The following PISD variants were observed in gnomAD, a reference collection of about 807,000 sequenced individuals.
PISD encodes the protein phosphatidylserine decarboxylase, also known as phosphatidylserine decarboxylase proenzyme, mitochondrial.
PISD carries 31 observed loss-of-function variants against 43.5 expected under a neutral mutation model. That is an observed-to-expected ratio of 0.71 (90% CI 0.54 to 0.96). PISD has a LOEUF of 0.96. Among genes scored for constraint, PISD ranks in the 40% least tolerant of loss-of-function variants. The probability of loss-of-function intolerance (pLI) is 0.00; values close to 1 mark genes in which losing one functional copy is unlikely to be tolerated. For missense variants in PISD, 523 were observed against 548.4 expected (o/e 0.95, Z 0.46); for synonymous variants, 259 against 228.7 (o/e 1.13, Z -1.20).
Position 31,619,717 on chromosome 22 carries a change from G to A in PISD, c.1125C>T (p.Asn375=), listed in dbSNP as rs1313056041. 2 of 1,614,224 alleles carry A rather than the reference G, an allele frequency of 1.2e-6. No homozygotes were observed. The highest frequency in any genetic ancestry group is 1.1e-5 in the South Asian group (1 of 91,088). Residue 375 remains asparagine, a synonymous_variant, in exon 8 of 8, where the codon AAC becomes AAT. Coordinates refer to ENST00000439502, the MANE Select transcript of PISD (RefSeq NM_001326411.2). The part of the protein sequence containing the change: ...MRKGEHLGEF[N]LGSTIVLIFE... ...AGATGAGCACGATGGTGGAGCCCAG[G>A]TTGAACTCGCCCAGGTGCTCGCCCT...
In PISD at chr22:31,621,132, A is replaced by C. The variant is rs768652071; in HGVS notation, c.708T>G (p.Cys236Trp). ...TGACCAGCTGGTTCTTGAAGGAGTC[A>C]CACGACGCGGCTGTGGAGTAGGAGC... ...EDLPFPPAAS[C>W]DSFKNQLVTR... The change falls in exon 6 of 8, where the codon TGT (cysteine) becomes TGG (tryptophan). Residue 236 changes from cysteine to tryptophan, a missense_variant. Physicochemically the swap from Cys to Trp is radical, Grantham distance 215 (BLOSUM62 -2). Coordinates refer to ENST00000439502, the MANE Select transcript of PISD (RefSeq NM_001326411.2). The C allele has an allele frequency of 6.2e-7, 1 of 1,614,166 alleles. No homozygotes were observed. Among genetic ancestry groups the C allele is most frequent in the African/African-American group, 1.3e-5 (1 of 75,062 alleles).
At position 31,619,729 on chromosome 22, in the gene PISD, C is replaced by T. The variant is rs2072378105; in HGVS notation, c.1113G>A (p.Leu371=). ...TGGTGGAGCCCAGGTTGAACTCGCC[C>T]AGGTGCTCGCCCTTACGCATGGGGA... The part of the protein sequence containing the change: ...EGVPMRKGEH[L]GEFNLGSTIV... Residue 371 remains leucine, a synonymous_variant, in exon 8 of 8, where the codon CTG becomes CTA. Transcript: ENST00000439502. 6.2e-7 allele frequency: 1 copy of T among 1,614,088 alleles called. No individual in the cohort carries two copies. Among genetic ancestry groups the T allele is most frequent in the African/African-American group, 1.3e-5 (1 of 74,938 alleles).
rs2072703847 is a variant in PISD at position 31,623,621 on chromosome 22, G to A, written c.322-1736C>T. The A allele has an allele frequency of 1.5e-5, 22 of 1,490,156 alleles. No individual in the cohort carries two copies. The South Asian group carries it at 2.8e-4, about 19-fold the overall frequency. 92.3% of individuals were successfully genotyped at this position (1,490,156 alleles called of 1,614,324 possible). ...GCTCGCCACCACCTCAGTCTCTCCT[G>A]CACCCCAACCTCAGGCCTGCCCGGA... On this transcript the variant is annotated intron_variant, in intron 3 of 7. Transcript: ENST00000439502.
chr22:31,646,158 A>G (rs1441902649), intron 3 of PISD, among the ~76,000 whole-genome samples: 3 of 151,882 alleles, frequency 2.0e-5, no homozygotes, highest in Non-Finnish European at 4.4e-5. Flanking sequence ...GCACTTTGGG[A>G]GGCTGAGGCA....
chr22:31,630,674 C>T lies in PISD; in HGVS notation c.322-8789G>A, dbSNP rs916075805. The T allele has an allele frequency of 2.1e-6, 2 of 953,344 alleles. No individual in the cohort carries two copies. Among genetic ancestry groups the T allele is most frequent in the South Asian group, 4.8e-5 (1 of 20,722 alleles). The allele number at this position is 953,344 out of a possible 1,614,324, so 59.1% of individuals were successfully genotyped here. A position where few individuals can be genotyped will look rare whatever the true frequency, so the allele number is the denominator to read the frequency against. ...GCGTCGTCACAGCTGGGAGAGCCCA[C>T]CTGCGACCGAAGGCCCTAGAAGGGC... On this transcript the variant is annotated intron_variant, in intron 3 of 7. Transcript: ENST00000439502. The surrounding 1 kb of genome is among the most constrained non-coding windows in gnomAD (Gnocchi z 4.4).
intron 3 of PISD, among the ~76,000 whole-genome samples, chr22:31,633,694 G>A (rs915821018): frequency 6.6e-5 from 10 of 152,166 alleles, no homozygotes; most frequent in Admixed American, 1.3e-4. Flanking sequence ...CAGCCTGGGC[G>A]ACAGAGCGAG....
chr22:31,632,122 C>T, intron 3 of PISD: 1 of 384,374 alleles, frequency 2.6e-6, no homozygotes, highest in African/African-American at 2.2e-5. Flanking sequence ...GGTGTGGGGG[C>T]CACGCCTGGA....
intron 1 of PISD, among the ~76,000 whole-genome samples, 200 bp downstream of exon 1, chr22:31,661,944 T>C (rs1386755866): frequency 6.6e-6 from 1 of 152,166 alleles, no homozygotes; most frequent in Non-Finnish European, 1.5e-5. Flanking sequence ...AAGCGCGAGC[T>C]TCTAGGCCAC....
chr22:31,644,490 C>T (rs1364213245), intron 3 of PISD, among the ~76,000 whole-genome samples: 1 of 151,990 alleles, frequency 6.6e-6, no homozygotes, highest in African/African-American at 2.4e-5. Context: ...CCGCCCGCCT[C>T]GGCCTCCCAA....
chr22:31,632,897 T>G (rs2073269115), intron 3 of PISD, among the ~76,000 whole-genome samples: 1 of 152,210 alleles, frequency 6.6e-6, no homozygotes, highest in African/African-American at 2.4e-5. Context: ...TTCTTGCTTC[T>G]ATCAATCAGC....
At chr22:31,643,885 A>G (rs965207409) in intron 3 of PISD, among the ~76,000 whole-genome samples, 1 of 152,130 alleles carries the variant, frequency 6.6e-6, no homozygotes, top group African/African-American at 2.4e-5. Context: ...CGTCTCTACT[A>G]AAAATACAAA....
intron 3 of PISD, among the ~76,000 whole-genome samples, chr22:31,624,163 T>A (rs972990808): frequency 2.6e-5 from 4 of 152,144 alleles, no homozygotes; most frequent in Non-Finnish European, 5.9e-5. Context: ...GCGGGGCACC[T>A]CTCAGCTGCA....
In PISD at chr22:31,619,345, A is replaced by G. The variant is rs2072344973; in HGVS notation, c.*267T>C. 1.9e-6 allele frequency: 1 copy of G among 522,380 alleles called. No individual in the cohort carries two copies. The highest frequency in any genetic ancestry group is 4.2e-5 in the East Asian group (1 of 23,888). 32.4% of individuals were successfully genotyped at this position (522,380 alleles called of 1,614,324 possible). A position where few individuals can be genotyped will look rare whatever the true frequency, so the allele number is the denominator to read the frequency against. On this transcript the variant is annotated 3_prime_UTR_variant, in exon 8 of 8. Coordinates refer to ENST00000439502, the MANE Select transcript of PISD (RefSeq NM_001326411.2). Reference sequence around the variant, plus strand: ...GTCTATACAGTGTTTAAAAAGATCCAAATGTGACTGAGATCATTCCAGCCT... The same window carrying G: ...GTCTATACAGTGTTTAAAAAGATCCGAATGTGACTGAGATCATTCCAGCCT...
chr22:31,637,707 C>T (rs1302959549), intron 3 of PISD, among the ~76,000 whole-genome samples: 3 of 152,178 alleles, frequency 2.0e-5, no homozygotes, highest in Non-Finnish European at 4.4e-5. Flanking sequence ...TTTGTGAAAG[C>T]ACAATTCTCT....
chr22:31,651,802 T>C (rs879640869), intron 1 of PISD, among the ~76,000 whole-genome samples: 2 of 152,208 alleles, frequency 1.3e-5, no homozygotes, highest in African/African-American at 2.4e-5. Flanking sequence ...CTTTGTTTCA[T>C]CTTTGCCTGA....
Position 31,638,292 on chromosome 22 carries a change from G to A in PISD, c.321+9809C>T, listed in dbSNP as rs372376565. The A allele has an allele frequency of 5.3e-5, 43 of 804,518 alleles. No homozygotes were observed. The East Asian group carries it at 7.5e-4, about 14-fold the overall frequency. 49.8% of individuals were successfully genotyped at this position (804,518 alleles called of 1,614,324 possible). A position where few individuals can be genotyped will look rare whatever the true frequency, so the allele number is the denominator to read the frequency against. On this transcript the variant is annotated intron_variant, in intron 3 of 7. Coordinates refer to ENST00000439502, the MANE Select transcript of PISD (RefSeq NM_001326411.2). ...ATGTGGGGCAGGTCCAGTCACAACA[G>A]CAGCCCCACGTCCCTTCTGGAGAGT...
At chr22:31,640,883 T>TTTTTTTTTTTTG (rs2073694316) in intron 3 of PISD, among the ~76,000 whole-genome samples, 5 of 48,890 alleles carry the variant, frequency 1.0e-4, no homozygotes, top group Admixed American at 2.3e-4. Flanking sequence ...ACCCGGTGTT[T>TTTTTTTTTTTTG]TTTTTTTTTT....
At chr22:31,625,854 C>CA in intron 3 of PISD, 1 of 1,575,082 alleles carries the variant, frequency 6.3e-7, no homozygotes, top group Non-Finnish European at 8.6e-7. Context: ...CTCACTCGAT[C>CA]ACTCCCTTTG....
At chr22:31,653,649 A>G (rs897526868) in intron 1 of PISD, among the ~76,000 whole-genome samples, 3 of 152,138 alleles carry the variant, frequency 2.0e-5, no homozygotes, top group Admixed American at 6.5e-5. Context: ...GGTACATCAG[A>G]TTTAGGTACT....
Sources: allele counts gnomAD v4.1 joint callset (sites outside exome capture counted in the v4.1 genomes callset), GRCh38; gene constraint gnomAD v4.1.1; non-coding constraint Gnocchi (gnomAD v3.1); transcripts MANE v1.5; gene names NCBI Gene and HGNC (gene_info 2026-07-23, HGNC 2026-07-21).